RAB27B: variants seen among roughly 807,000 people sequenced by gnomAD.
RAB27B encodes RAB27B, member RAS oncogene family.
A neutral mutation model predicts 24.6 loss-of-function variants in RAB27B; 15 were observed. The observed-to-expected ratio is 0.61, with a 90% confidence interval of 0.41 to 0.94. The LOEUF is 0.94. RAB27B is among the 40% of genes least tolerant of loss of function. The pLI, the probability that RAB27B is intolerant of heterozygous loss-of-function variation, is 0.00. For missense variants in RAB27B, 261 were observed against 266.8 expected, an observed-to-expected ratio of 0.98 and a Z score of 0.15; for synonymous variants, 105 against 92.5, an observed-to-expected ratio of 1.14 and a Z score of -0.78.
At chr18:54,832,700 A>C (rs1229819039) in intron 1 of RAB27B, among the ~76,000 whole-genome samples, 1 of 152,140 alleles carries the variant, frequency 6.6e-6, no homozygotes, top group African/African-American at 2.4e-5. Flanking sequence ...GTGAAAGGCA[A>C]ACCGGAAGAG....
intron 4 of RAB27B, among the ~76,000 whole-genome samples, chr18:54,886,886 C>G (rs901828810): frequency 5.3e-5 from 8 of 152,036 alleles, no homozygotes; most frequent in African/African-American, 1.9e-4. Context: ...CACAGCATGC[C>G]TTATGATAGA....
At chr18:54,827,382 C>A (rs1225749484), upstream of RAB27B, among the ~76,000 whole-genome samples, 2 of 152,224 alleles carry the variant, frequency 1.3e-5, no homozygotes, top group Admixed American at 1.3e-4. Context: ...TTCTTTTCAA[C>A]TTTCAAGAAC....
intron 2 of RAB27B, among the ~76,000 whole-genome samples, chr18:54,817,929 C>T (rs553334979): frequency 1.3e-5 from 2 of 152,154 alleles, no homozygotes; most frequent in South Asian, 4.2e-4. Context: ...ATTATCCTTT[C>T]ATCTGTAGGA....
chr18:54,878,704 A>G (rs965375460), intron 2 of RAB27B, among the ~76,000 whole-genome samples: 1 of 152,134 alleles, frequency 6.6e-6, no homozygotes, highest in Non-Finnish European at 1.5e-5. Context: ...AAGGAAACTG[A>G]GTAAATATTA....
chr18:54,829,606 G>A (rs970044591), intron 1 of RAB27B, among the ~76,000 whole-genome samples: 1 of 152,100 alleles, frequency 6.6e-6, no homozygotes, highest in Non-Finnish European at 1.5e-5. Context: ...TAAGAAAAAT[G>A]TCTACAGTTC....
chr18:54,737,776 C>A (rs1049621493), intron 2 of RAB27B, among the ~76,000 whole-genome samples: 6 of 151,984 alleles, frequency 3.9e-5, no homozygotes, highest in African/African-American at 1.2e-4. Context: ...ATGGATGTGA[C>A]CATATCTAAA....
At position 54,894,723 on chromosome 18, in the gene RAB27B, T is replaced by C. The variant is rs1913501901; in HGVS notation, c.*5310T>C. On this transcript the variant is annotated 3_prime_UTR_variant, in exon 6 of 6. Coordinates refer to ENST00000262094, the MANE Select transcript of RAB27B (RefSeq NM_004163.4). ...GTGTCAGGCTCAAAGGAGATATGTATAAGAAAGTGGTTTGTAAATTATGTT... is the reference window on the plus strand; with the variant it reads ...GTGTCAGGCTCAAAGGAGATATGTACAAGAAAGTGGTTTGTAAATTATGTT... 6.6e-6 allele frequency: 1 copy of C among 151,984 alleles called. No individual in the cohort carries two copies. The highest frequency in any genetic ancestry group is 2.4e-5 in the African/African-American group (1 of 41,406). 9.4% of individuals were successfully genotyped at this position (151,984 alleles called of 1,614,324 possible). A position where few individuals can be genotyped will look rare whatever the true frequency, so the allele number is the denominator to read the frequency against.
intron 2 of RAB27B, among the ~76,000 whole-genome samples, chr18:54,727,172 T>A (rs1446705003): frequency 6.6e-6 from 1 of 152,082 alleles, no homozygotes; most frequent in African/African-American, 2.4e-5. Flanking sequence ...CAGAATTTCA[T>A]CATGTTGGCC....
intron 2 of RAB27B, among the ~76,000 whole-genome samples, chr18:54,759,366 TA>T (rs1481637577): frequency 6.6e-6 from 1 of 152,240 alleles, no homozygotes; most frequent in Non-Finnish European, 1.5e-5. Flanking sequence ...GATGCTAGTT[TA>T]ATCTCTTTAA....
intron 2 of RAB27B, among the ~76,000 whole-genome samples, chr18:54,781,122 G>T (rs891313272): frequency 3.3e-5 from 5 of 152,048 alleles, no homozygotes; most frequent in Non-Finnish European, 7.4e-5. Flanking sequence ...AGCCCAACTG[G>T]CCAGCTAGCT....
At chr18:54,841,249 TAAG>T (rs1177164066) in intron 1 of RAB27B, among the ~76,000 whole-genome samples, 1 of 149,242 alleles carries the variant, frequency 6.7e-6, no homozygotes, top group Non-Finnish European at 1.5e-5. Flanking sequence ...CAACTGCAGA[TAAG>T]AAGTATTTGG....
chr18:54,752,798 G>T (rs542569956), intron 2 of RAB27B, among the ~76,000 whole-genome samples: 2 of 152,138 alleles, frequency 1.3e-5, no homozygotes, highest in African/African-American at 4.8e-5. Context: ...CCATGGAAGA[G>T]TTCCACCAGC....
chr18:54,741,149 A>G (rs748582444), intron 2 of RAB27B, among the ~76,000 whole-genome samples: 2 of 152,234 alleles, frequency 1.3e-5, no homozygotes, highest in East Asian at 1.9e-4. Flanking sequence ...TACTAAGACC[A>G]TATCTTCCTA....
In RAB27B at chr18:54,779,958, C is replaced by T. The variant is rs760628382; in HGVS notation, c.-20+61817C>T. Among the ~76,000 whole-genome samples, 45 of 75,574 alleles carry T rather than the reference C, an allele frequency of 6.0e-4. 1 individual carries two copies. The highest frequency in any genetic ancestry group is 5.2e-3 in the South Asian group (13 of 2,488). 49.6% of individuals were successfully genotyped at this position (75,574 alleles called of 152,430 possible). On this transcript the variant is annotated intron_variant, in intron 2 of 4. Coordinates refer to the RAB27B transcript ENST00000586570. ...CCTCACCATGTCCCCCCTCTCCTGA[C>T]GGCTTCCTCCTCACCGTGTCTCCCC...
chr18:54,819,511 G>A (rs1244861112), intron 2 of RAB27B, among the ~76,000 whole-genome samples: 3 of 89,080 alleles, frequency 3.4e-5, no homozygotes, highest in Admixed American at 1.7e-4. Context: ...CAGCGTGGGC[G>A]ACAGAACAAG....
At chr18:54,844,408 C>CTTTTTTTTTTTTTTTTTT (rs148747981) in intron 1 of RAB27B, among the ~76,000 whole-genome samples, 10 of 107,876 alleles carry the variant, frequency 9.3e-5, no homozygotes, top group African/African-American at 2.4e-4. Flanking sequence ...CTTTTCTTTT[C>CTTTTTTTTTTTTTTTTTT]TTTTTTTTTT....
At chr18:54,834,797 T>C (rs1910830632) in intron 1 of RAB27B, among the ~76,000 whole-genome samples, 2 of 152,016 alleles carry the variant, frequency 1.3e-5, no homozygotes, top group Admixed American at 6.6e-5. Context: ...CATAAGACTT[T>C]ATTTTAGTCC....
intron 3 of RAB27B, chr18:54,880,641 T>C (rs1912886700): frequency 6.6e-6 from 1 of 152,168 alleles, no homozygotes; most frequent in East Asian, 1.9e-4. Context: ...CTCACAAGAA[T>C]CTCTGTTCAT....
Position 54,780,330 on chromosome 18 carries a change from C to T in RAB27B, c.-20+62189C>T, listed in dbSNP as rs1377446399. ...CTCCCCCAACCTGAAGGCTTCGCCT[C>T]ACCGTGTCTCCCCTCTCCTGATGGT... On this transcript the variant is annotated intron_variant, in intron 2 of 4. Transcript: ENST00000586570. Among the ~76,000 whole-genome samples the T allele has an allele frequency of 5.3e-5, 6 of 112,502 alleles. 1 individual carries two copies. The highest frequency in any genetic ancestry group is 2.9e-4 in the Admixed American group (3 of 10,256). The allele number at this position is 112,502 out of a possible 152,430, so 73.8% of individuals were successfully genotyped here.
Sources: gnomAD v4.1 joint callset for allele counts (sites outside exome capture counted in the v4.1 genomes callset) on GRCh38, gnomAD v4.1.1 for gene constraint, MANE v1.5 for transcripts, NCBI Gene and HGNC (gene_info 2026-07-23, HGNC 2026-07-21) for gene names.